The following UAP1L1 variants were observed in gnomAD, a reference collection of about 807,000 sequenced individuals.
UAP1L1 encodes UDP-N-acetylhexosamine pyrophosphorylase-like protein 1.
In UAP1L1, 45 loss-of-function variants were observed where a neutral mutation model predicts 45.3. The ratio of observed to expected loss-of-function variants is 0.99; its 90% CI spans 0.78 to 1.27. UAP1L1 has a LOEUF of 1.27. Among genes scored for constraint, UAP1L1 ranks in the 50% most tolerant of loss-of-function variants. The pLI, the probability that UAP1L1 is intolerant of heterozygous loss-of-function variation, is 0.00. For missense variants in UAP1L1, 667 were observed against 694.0 expected, an observed-to-expected ratio of 0.96 and a Z score of 0.44; for synonymous variants, 323 against 303.9, an observed-to-expected ratio of 1.06 and a Z score of -0.65.
Position 137,082,150 on chromosome 9 carries a change from C to A in UAP1L1, c.1431+86C>A. ...GGAGAGGTGGCTGCTCGGGTGGAGA[C>A]GGCACAGCTCTACCTCGGTTAACCA... On this transcript the variant is annotated intron_variant, in intron 8 of 8. Coordinates refer to ENST00000409858, the MANE Select transcript of UAP1L1 (RefSeq NM_207309.3). The surrounding 1 kb of genome is among the most constrained non-coding windows in gnomAD (Gnocchi z 5.7). 7.8e-7 allele frequency: 1 copy of A among 1,275,610 alleles called. No homozygotes were observed. The highest frequency in any genetic ancestry group is 1.1e-6 in the Non-Finnish European group (1 of 871,724). The allele number at this position is 1,275,610 out of a possible 1,614,324, so 79.0% of individuals were successfully genotyped here.
rs1203143429 is a variant in UAP1L1 at position 137,078,522 on chromosome 9, T to G, written c.515T>G (p.Phe172Cys). ...TVPWYVMTSE[F>C]TLGPTAEFFR... is the part of the protein sequence containing the mutation. ...TGCAGGTACGTCATGACCAGCGAGTTCACTCTGGGGCCCACGGCCGAGTTC... is the reference window on the plus strand; with the variant it reads ...TGCAGGTACGTCATGACCAGCGAGTGCACTCTGGGGCCCACGGCCGAGTTC... The change falls in exon 3 of 9, where the codon TTC becomes TGC. Residue 172 changes from phenylalanine (F) to cysteine (C), a missense_variant. Physicochemically the swap from Phe to Cys is radical, Grantham distance 205 (BLOSUM62 -2). Transcript: ENST00000409858. The G allele has an allele frequency of 2.5e-6, 4 of 1,613,006 alleles. No homozygotes were observed. In the African/African-American group the frequency reaches 5.3e-5, roughly 22 times the overall value.
At position 137,082,706 on chromosome 9, in the gene UAP1L1, G is replaced by A. The variant is rs1244874791; in HGVS notation, c.1501G>A (p.Glu501Lys). 27 of 1,550,962 alleles carry A rather than the reference G, an allele frequency of 1.7e-5. No homozygotes were observed. The highest frequency in any genetic ancestry group is 2.2e-5 in the Non-Finnish European group (25 of 1,147,270). The change falls in exon 9 of 9, where the codon GAG becomes AAG. Residue 501 changes from glutamate to lysine, a missense_variant. Glu to Lys is a moderately conservative substitution (Grantham distance 56). Transcript: ENST00000409858. This position sits in a 1 kb window ranked among gnomAD's most constrained non-coding sequence, Gnocchi z 5.7. ...CATCCTGGATGAAGACCAGGCCAGG[G>A]AGCCGCAGCTGCAGGAGTCCTGACC... ...PLILDEDQAR[E>K]PQLQES
chr9:137,080,131 C>T lies in UAP1L1; in HGVS notation c.1167C>T (p.Phe389=), dbSNP rs371820398. Residue 389 remains phenylalanine (F), a synonymous_variant, in exon 6 of 9, where the codon TTC becomes TTT. Coordinates refer to ENST00000409858, the MANE Select transcript of UAP1L1 (RefSeq NM_207309.3). ...IKMEKFVFDV[F]RFAKNFAALE... ...TGGAGAAGTTTGTGTTTGATGTGTT[C>T]CGGTTTGCTAAGTTAGTAGTAGAAC... 1.2e-6 allele frequency: 2 copies of T among 1,613,950 alleles called. No individual in the cohort carries two copies. Among genetic ancestry groups the T allele is most frequent in the African/African-American group, 2.7e-5 (2 of 74,918 alleles).
At position 137,078,627 on chromosome 9, in the gene UAP1L1, T is replaced by C; in HGVS notation, c.620T>C (p.Phe207Ser). 2 of 1,613,086 alleles carry C rather than the reference T, an allele frequency of 1.2e-6. No individual in the cohort carries two copies. Among genetic ancestry groups the C allele is most frequent in the Non-Finnish European group, 1.7e-6 (2 of 1,179,992 alleles). Residue 207 changes from phenylalanine (F) to serine (S), a missense_variant, in exon 3 of 9, where the codon TTT becomes TCT. Coordinates refer to ENST00000409858, the MANE Select transcript of UAP1L1 (RefSeq NM_207309.3). The part of the protein sequence containing the change: ...FEQRLLPAVT[F>S]DGKVILERKD... ...CAGCGCCTGCTGCCTGCTGTGACCT[T>C]TGATGGCAAGGTTATCCTGGAGCGG...
rs1217790900 is a variant in UAP1L1, at chr9:137,080,857, G to T, written c.1347G>T (p.Trp449Cys). ...GARFLDAHGA[W>C]LPELPSLPPN... ...GCTTCCTGGATGCCCATGGGGCCTG[G>T]CTCCCAGAGCTGCCCAGGTGAGTGT... The change falls in exon 7 of 9, where the codon TGG (tryptophan) becomes TGT (cysteine). Residue 449 changes from tryptophan to cysteine, a missense_variant. Transcript: ENST00000409858. 1.9e-6 allele frequency: 3 copies of T among 1,598,882 alleles called. No individual in the cohort carries two copies. Among genetic ancestry groups the T allele is most frequent in the African/African-American group, 2.7e-5 (2 of 74,534 alleles).
chr9:137,079,136 C>CT lies in UAP1L1; in HGVS notation c.832dup (p.Cys278LeufsTer36). The CT allele has an allele frequency of 6.2e-7, 1 of 1,610,570 alleles. No homozygotes were observed. Among genetic ancestry groups the CT allele is most frequent in the Non-Finnish European group, 8.5e-7 (1 of 1,179,256 alleles). On this transcript the variant is annotated frameshift_variant, in exon 4 of 9. Coordinates refer to ENST00000409858, the MANE Select transcript of UAP1L1 (RefSeq NM_207309.3). LOFTEE classifies it high-confidence loss of function. ...GCTTCTGTGTGTTGCAGGGCGCAGA[C>CT]TGTGGCGCCAAGGTTAGCGCCCGAC...
chr9:137,082,057 C>G lies in UAP1L1; in HGVS notation c.1424C>G (p.Ser475Cys). 1 of 1,614,000 alleles carries G rather than the reference C, an allele frequency of 6.2e-7. No homozygotes were observed. Among genetic ancestry groups the G allele is most frequent in the Non-Finnish European group, 8.5e-7 (1 of 1,179,988 alleles). Reference sequence around the variant, plus strand: ...GAGATATCGCCCTTGGTGTCTTACTCTGGAGAGGTGAGAGCTGCCCATCCC... The same window carrying G: ...GAGATATCGCCCTTGGTGTCTTACTGTGGAGAGGTGAGAGCTGCCCATCCC... The part of the protein sequence containing the change: ...ICEISPLVSY[S>C]GEGLEVYLQG... The change falls in exon 8 of 9, where the codon TCT becomes TGT. Residue 475 changes from serine to cysteine, a missense_variant. By Grantham distance (112) the Ser-to-Cys change is moderately radical. Coordinates refer to ENST00000409858, the MANE Select transcript of UAP1L1 (RefSeq NM_207309.3). The surrounding 1 kb of genome is among the most constrained non-coding windows in gnomAD (Gnocchi z 5.7).
rs2131539287 is a variant in UAP1L1 at position 137,077,739 on chromosome 9, G to A, written c.207G>A (p.Ala69=). 1 of 1,195,468 alleles carries A rather than the reference G, an allele frequency of 8.4e-7. No homozygotes were observed. Among genetic ancestry groups the A allele is most frequent in the Non-Finnish European group, 1.0e-6 (1 of 965,024 alleles). The allele number at this position is 1,195,468 out of a possible 1,614,324, so 74.1% of individuals were successfully genotyped here. The change falls in exon 1 of 9, where the codon GCG becomes GCA. Residue 69 remains alanine (A), a synonymous_variant. Coordinates refer to ENST00000409858, the MANE Select transcript of UAP1L1 (RefSeq NM_207309.3). This position sits in a 1 kb window ranked among gnomAD's most constrained non-coding sequence, Gnocchi z 4.7. ...ACGGCCCGCCGCCCGACTTGGCCGCGCGCCTGCGGCCCCTGCCCCCAGAGC... is the reference window on the plus strand; with the variant it reads ...ACGGCCCGCCGCCCGACTTGGCCGCACGCCTGCGGCCCCTGCCCCCAGAGC... ...RPHGPPPDLA[A]RLRPLPPERV...
chr9:137,078,175 T>C lies in UAP1L1; in HGVS notation c.415T>C (p.Tyr139His). 6.5e-7 allele frequency: 1 copy of C among 1,550,008 alleles called. No individual in the cohort carries two copies. Among genetic ancestry groups the C allele is most frequent in the Non-Finnish European group, 8.7e-7 (1 of 1,146,826 alleles). Residue 139 changes from tyrosine (Y) to histidine (H), a missense_variant, in exon 2 of 9, where the codon TAC becomes CAC. Coordinates refer to ENST00000409858, the MANE Select transcript of UAP1L1 (RefSeq NM_207309.3). ...RVGLPSRKTLYQLQAERIRRV... is the reference protein window; with the variant it reads ...RVGLPSRKTLHQLQAERIRRV... ...GGGGCTGCCCAGCCGGAAGACCCTG[T>C]ACCAGCTGCAGGCGGAGCGGATTCG...
intron 6 of UAP1L1, chr9:137,080,344 G>A: frequency 3.1e-6 from 2 of 646,596 alleles, no homozygotes; most frequent in Non-Finnish European, 5.3e-6. Context: ...CCTTGGGGCT[G>A]TGGACTTGGG....
chr9:137,082,674 C>A lies in UAP1L1; in HGVS notation c.1469C>A (p.Ser490Tyr). ...EVYLQGREFQ[S>Y]PLILDEDQAR... ...TACCTGCAAGGCCGGGAGTTCCAGT[C>A]CCCGCTCATCCTGGATGAAGACCAG... Residue 490 changes from serine to tyrosine, a missense_variant, in exon 9 of 9, where the codon TCC becomes TAC. Transcript: ENST00000409858. The surrounding 1 kb of genome is among the most constrained non-coding windows in gnomAD (Gnocchi z 5.7). The A allele has an allele frequency of 1.3e-6, 2 of 1,552,202 alleles. No individual in the cohort carries two copies. Among genetic ancestry groups the A allele is most frequent in the Non-Finnish European group, 1.7e-6 (2 of 1,147,476 alleles).
At position 137,078,408 on chromosome 9, in the gene UAP1L1, T is replaced by C. The variant is rs547863188; in HGVS notation, c.495-94T>C. ...CCTGGCCCCAGCCCCAACTGGACAC[T>C]GGACCCCGAACCCCGATGCCGGCTC... On this transcript the variant is annotated intron_variant, in intron 2 of 8. Transcript: ENST00000409858. 1.3e-5 allele frequency: 21 copies of C among 1,600,874 alleles called. No homozygotes were observed. The South Asian group carries it at 2.1e-4, about 16-fold the overall frequency.
At chr9:137,078,875 G>A (rs1322076366) in intron 3 of UAP1L1, 101 bp from the exon 4 acceptor site, 3 of 1,430,994 alleles carry the variant, frequency 2.1e-6, no homozygotes, top group South Asian at 1.4e-5. Flanking sequence ...GGCTGCCTTA[G>A]GCACAAGGCC....
Position 137,079,406 on chromosome 9 carries a change from T to A in UAP1L1, c.994T>A (p.Cys332Ser), listed in dbSNP as rs1406643556. The A allele has an allele frequency of 6.2e-7, 1 of 1,602,486 alleles. No individual in the cohort carries two copies. Among genetic ancestry groups the A allele is most frequent in the Non-Finnish European group, 8.5e-7 (1 of 1,172,068 alleles). ...GSLLYNAGNICNHFFTRGFLK... is the reference protein window; with the variant it reads ...GSLLYNAGNISNHFFTRGFLK... Reference sequence around the variant, plus strand: ...CCTGCTGTACAATGCAGGCAACATCTGCAACCACTTCTTCACCCGAGGCTT... The same window carrying A: ...CCTGCTGTACAATGCAGGCAACATCAGCAACCACTTCTTCACCCGAGGCTT... Residue 332 changes from cysteine to serine, a missense_variant, in exon 5 of 9, where the codon TGC (cysteine) becomes AGC (serine). By Grantham distance (112) the Cys-to-Ser change is moderately radical. Coordinates refer to ENST00000409858, the MANE Select transcript of UAP1L1 (RefSeq NM_207309.3).
Position 137,077,604 on chromosome 9 carries a change from C to A in UAP1L1, c.72C>A (p.Ala24=), listed in dbSNP as rs1271366365. 3.7e-6 allele frequency: 5 copies of A among 1,353,948 alleles called. No homozygotes were observed. Among genetic ancestry groups the A allele is most frequent in the Non-Finnish European group, 4.8e-6 (5 of 1,041,842 alleles). 83.9% of individuals were successfully genotyped at this position (1,353,948 alleles called of 1,614,324 possible). The stretch of plus-strand genomic sequence containing the variant: ...AGGAGCACCTCCTGCGCTTCTGGGC[C>A]GAGCTGGCGCCGGAGCCACGAGCCG... ...AGQEHLLRFW[A]ELAPEPRAAL... is the part of the protein sequence containing the mutation. Residue 24 remains alanine, a synonymous_variant, in exon 1 of 9, where the codon GCC becomes GCA. Coordinates refer to ENST00000409858, the MANE Select transcript of UAP1L1 (RefSeq NM_207309.3). The surrounding 1 kb of genome is among the most constrained non-coding windows in gnomAD (Gnocchi z 4.7).
intron 4 of UAP1L1, 25 bp from the exon 5 acceptor site, chr9:137,079,231 A>G (rs770151964): frequency 6.2e-7 from 1 of 1,602,688 alleles, no homozygotes; most frequent in Non-Finnish European, 8.5e-7. Flanking sequence ...CAGCCCTCGG[A>G]ACCCATCCCT....
chr9:137,078,757 C>A lies in UAP1L1; in HGVS notation c.670+80C>A. On this transcript the variant is annotated intron_variant, in intron 3 of 8. Transcript: ENST00000409858. The stretch of plus-strand genomic sequence containing the variant: ...AGTTGGGGGTCCACGCGCCCGGGTT[C>A]GCGGCTGCCCCGAGGCTGTGTGGTC... 4 of 1,486,386 alleles carry A rather than the reference C, an allele frequency of 2.7e-6. No homozygotes were observed. The South Asian group carries it at 3.9e-5, about 15-fold the overall frequency. 92.1% of individuals were successfully genotyped at this position (1,486,386 alleles called of 1,614,324 possible).
In UAP1L1 at chr9:137,084,382, GC is replaced by G. The variant is rs1832837169; in HGVS notation, c.*1655del. 1 of 152,226 alleles carries G rather than the reference GC, an allele frequency of 6.6e-6. No homozygotes were observed. Among genetic ancestry groups the G allele is most frequent in the Non-Finnish European group, 1.5e-5 (1 of 68,094 alleles). 9.4% of individuals were successfully genotyped at this position (152,226 alleles called of 1,614,324 possible). On this transcript the variant is annotated 3_prime_UTR_variant, in exon 9 of 9. Coordinates refer to ENST00000409858, the MANE Select transcript of UAP1L1 (RefSeq NM_207309.3). ...GTAGAGATGGGGTTTGACCGTGTTA[GC>G]CAGGATGGTCTCGATCTCCTGACCT...
In UAP1L1 at chr9:137,078,079, GC is replaced by G; in HGVS notation, c.321del (p.Val108SerfsTer14). The G allele has an allele frequency of 6.5e-7, 1 of 1,550,048 alleles. No homozygotes were observed. Among genetic ancestry groups the G allele is most frequent in the Non-Finnish European group, 8.7e-7 (1 of 1,146,896 alleles). ...CCGTCAGATTTCTCTGAACAAGGTG[GC>G]CGTCCTGCTGCTGGCTGGGGGGCAG... ...GFRQISLNKV[A>X]VLLLAGGQGT... On this transcript the variant is annotated frameshift_variant, in exon 2 of 9. Coordinates refer to ENST00000409858, the MANE Select transcript of UAP1L1 (RefSeq NM_207309.3). LOFTEE classifies it high-confidence loss of function.
Sources: allele counts gnomAD v4.1 joint callset, GRCh38; gene constraint gnomAD v4.1.1; non-coding constraint Gnocchi (gnomAD v3.1); transcripts MANE v1.5; gene names NCBI Gene and HGNC (gene_info 2026-07-23, HGNC 2026-07-21).